The following OSBPL2 variants were observed in gnomAD, a reference collection of about 807,000 sequenced individuals.
The protein encoded by OSBPL2 is oxysterol-binding protein-related protein 2.
In OSBPL2, 18 loss-of-function variants were observed where a neutral mutation model predicts 58.4. The observed-to-expected ratio is 0.31, with a 90% CI of 0.21 to 0.46. OSBPL2 has a LOEUF of 0.46. Ranked by LOEUF, OSBPL2 falls within the 20% of genes least tolerant of loss-of-function variation. OSBPL2 has a pLI of 1.00. For missense variants in OSBPL2, 461 were observed against 616.5 expected, an observed-to-expected ratio of 0.75 and a Z score of 2.67; for synonymous variants, 221 against 234.1, an observed-to-expected ratio of 0.94 and a Z score of 0.51.
At chr20:62,247,114 C>T (rs1354958201) in intron 1 of OSBPL2, among the ~76,000 whole-genome samples, 1 of 152,224 alleles carries the variant, frequency 6.6e-6, no homozygotes, top group Non-Finnish European at 1.5e-5. Context: ...TTCTGCTCTG[C>T]ACTGTGGTTG....
chr20:62,285,782 GC>G (rs1263437306), intron 10 of OSBPL2: 1 of 152,928 alleles, frequency 6.5e-6, no homozygotes, highest in Non-Finnish European at 1.5e-5. Flanking sequence ...AGGGAAACAC[GC>G]CTGGCCACTG....
intron 1 of OSBPL2, among the ~76,000 whole-genome samples, chr20:62,251,471 C>A (rs1240046642): frequency 6.7e-6 from 1 of 148,768 alleles, no homozygotes; most frequent in African/African-American, 2.5e-5. Context: ...TGCAGTAGTG[C>A]AATCTCGGCT....
At position 62,262,405 on chromosome 20, in the gene OSBPL2, C is replaced by T. The variant is rs567074080; in HGVS notation, c.183-1211C>T. Among the ~76,000 whole-genome samples the T allele has an allele frequency of 1.1e-4, 17 of 152,344 alleles. No homozygotes were observed. In the East Asian group the frequency reaches 2.1e-3, roughly 19 times the overall value. On this transcript the variant is annotated intron_variant, in intron 3 of 13. Transcript: ENST00000313733. ...TCTTCTTTCATGTCTGTTGTTCCTA[C>T]GCATCCCATCTCCATGCAGGGTCGT...
chr20:62,273,176 G>T (rs982468578), intron 5 of OSBPL2, 133 bp from the exon 6 acceptor site: 6 of 724,604 alleles, frequency 8.3e-6, no homozygotes, highest in African/African-American at 7.4e-5. Context: ...CACACTGCTC[G>T]GGGAAAACTG....
At chr20:62,244,101 G>A (rs150015700) in intron 1 of OSBPL2, among the ~76,000 whole-genome samples, 3 of 152,318 alleles carry the variant, frequency 2.0e-5, no homozygotes, top group Non-Finnish European at 4.4e-5. Context: ...CAGAGGGCAA[G>A]GACGCACTCC....
intron 8 of OSBPL2, 106 bp from the exon 9 acceptor site, chr20:62,281,684 C>A (rs1205473957): frequency 2.6e-6 from 2 of 772,876 alleles, no homozygotes; most frequent in South Asian, 1.5e-5. Flanking sequence ...TTGCAGTCAC[C>A]CCCCGCCTGC....
At chr20:62,251,080 G>C (rs1256039751) in intron 1 of OSBPL2, among the ~76,000 whole-genome samples, 1 of 109,928 alleles carries the variant, frequency 9.1e-6, no homozygotes, top group Non-Finnish European at 1.7e-5. Context: ...GTCTCACTCT[G>C]TTGCCCAGGC....
chr20:62,275,054 A>T (rs6142732), intron 6 of OSBPL2, among the ~76,000 whole-genome samples: 22,715 of 152,230 alleles, frequency 0.15, 2,073 homozygotes, highest in Non-Finnish European at 0.21. Flanking sequence ...GCATAATCCC[A>T]TACAAGACAA....
intron 5 of OSBPL2, 98 bp downstream of exon 5, chr20:62,272,357 T>C: frequency 7.6e-7 from 1 of 1,308,946 alleles, no homozygotes; most frequent in South Asian, 1.3e-5. Context: ...CTGTGAGGAC[T>C]CGCACAGCTC....
At position 62,260,100 on chromosome 20, in the gene OSBPL2, C is replaced by G; in HGVS notation, c.157C>G (p.Gln53Glu). Reference protein sequence around the residue: ...RIGKTGERPSQENGIQKHRTS... With the variant: ...RIGKTGERPSEENGIQKHRTS... ...TGGGAAAACTGGGGAGAGGCCCTCT[C>G]AAGAGAACGGAATTCAGAAACACAG... The change falls in exon 3 of 14, where the codon CAA becomes GAA. Residue 53 changes from glutamine (Q) to glutamate (E), a missense_variant. By Grantham distance (29) the Gln-to-Glu change is conservative. Around this residue, in one of 5 missense-constraint regions of OSBPL2, gnomAD observed 80 missense variants for 74.8 expected, o/e 1.07. Transcript: ENST00000313733. The G allele has an allele frequency of 1.2e-6, 2 of 1,613,916 alleles. No individual in the cohort carries two copies. The highest frequency in any genetic ancestry group is 1.7e-6 in the Non-Finnish European group (2 of 1,179,890).
At chr20:62,276,374 G>A (rs1182809802) in intron 6 of OSBPL2, among the ~76,000 whole-genome samples, 2 of 152,232 alleles carry the variant, frequency 1.3e-5, no homozygotes, top group Non-Finnish European at 2.9e-5. Flanking sequence ...GGGAGGATGC[G>A]TTGTTAGTAG....
intron 5 of OSBPL2, among the ~76,000 whole-genome samples, chr20:62,272,580 C>T (rs980538751): frequency 2.0e-5 from 3 of 152,228 alleles, no homozygotes; most frequent in East Asian, 1.9e-4. Flanking sequence ...GTTGCACCAC[C>T]GCACCCCATG....
intron 4 of OSBPL2, among the ~76,000 whole-genome samples, chr20:62,263,910 C>A (rs1981490541): frequency 6.6e-6 from 1 of 151,828 alleles, no homozygotes; most frequent in East Asian, 1.9e-4. Context: ...CTAAAAATTC[C>A]AAAAATTAGC....
chr20:62,258,047 C>T (rs939728332), intron 2 of OSBPL2, among the ~76,000 whole-genome samples: 2 of 152,184 alleles, frequency 1.3e-5, no homozygotes, highest in Admixed American at 6.5e-5. Context: ...TTTGCTGTGA[C>T]TTCCCAGGGT....
intron 1 of OSBPL2, among the ~76,000 whole-genome samples, chr20:62,240,073 G>A (rs1052432413): frequency 2.0e-4 from 31 of 152,092 alleles, no homozygotes; most frequent in Middle Eastern, 3.4e-3. Context: ...GGCTGGTCTC[G>A]AACTCCTAAC....
At chr20:62,280,126 A>T in intron 7 of OSBPL2, 1 of 1,303,020 alleles carries the variant, frequency 7.7e-7, no homozygotes, top group Non-Finnish European at 1.0e-6. Flanking sequence ...CTGAGACGTG[A>T]GTCTTGCCAA....
chr20:62,256,302 G>T (rs150500763), intron 2 of OSBPL2, 81 bp downstream of exon 2: 3 of 1,282,352 alleles, frequency 2.3e-6, no homozygotes, highest in South Asian at 1.2e-5. Flanking sequence ...GGCGTTTGGG[G>T]TGTAAAGATG....
intron 2 of OSBPL2, among the ~76,000 whole-genome samples, chr20:62,258,692 A>G (rs4925361): frequency 0.98 from 148,991 of 152,170 alleles, 73,015 homozygotes; most frequent in East Asian, 1. Flanking sequence ...TAGGCCATCC[A>G]TGTAGTGTTG....
chr20:62,294,173 G>A lies in OSBPL2; in HGVS notation c.*286G>A. ...CCCTTTTATGTGGCAGAAATCAGCT[G>A]GGGCTTGTTTAGCTTCCAGCACACT... is the stretch of plus-strand genomic sequence containing the variant. On this transcript the variant is annotated 3_prime_UTR_variant, in exon 14 of 14. Coordinates refer to ENST00000313733, the MANE Select transcript of OSBPL2 (RefSeq NM_144498.4). The A allele has an allele frequency of 2.1e-6, 1 of 486,718 alleles. No homozygotes were observed. The highest frequency in any genetic ancestry group is 3.6e-6 in the Non-Finnish European group (1 of 276,794). The allele number at this position is 486,718 out of a possible 1,614,324, so 30.1% of individuals were successfully genotyped here.
Sources: gnomAD v4.1 joint callset for allele counts (sites outside exome capture counted in the v4.1 genomes callset) on GRCh38, gnomAD v4.1.1 for gene constraint, gnomAD v4.1.1 regional missense constraint, MANE v1.5 for transcripts, NCBI Gene and HGNC (gene_info 2026-07-23, HGNC 2026-07-21) for gene names.